Variants in VPS13A observed in about 807,000 individuals in gnomAD.
VPS13A encodes intermembrane lipid transfer protein VPS13A.
Under a neutral mutation model 390.9 loss-of-function variants are expected in VPS13A, and 264 were observed. The ratio of observed to expected loss-of-function variants is 0.68; its 90% CI spans 0.61 to 0.75. The LOEUF (loss-of-function observed/expected upper bound fraction) is 0.75. Ranked by LOEUF, VPS13A falls within the 30% of genes least tolerant of loss-of-function variation. The probability of loss-of-function intolerance (pLI) is 0.00; values close to 1 mark genes in which losing one functional copy is unlikely to be tolerated. For missense variants in VPS13A, 3,409 were observed against 3,733.9 expected, an observed-to-expected ratio of 0.91 and a Z score of 2.27; for synonymous variants, 1,231 against 1,227.1, an observed-to-expected ratio of 1.00 and a Z score of -0.07.
Position 77,371,112 on chromosome 9 carries a change from A to G in VPS13A, c.9040A>G (p.Ile3014Val), listed in dbSNP as rs1563968409. 5 of 1,614,134 alleles carry G rather than the reference A, an allele frequency of 3.1e-6. No individual in the cohort carries two copies. Among genetic ancestry groups the G allele is most frequent in the Non-Finnish European group, 4.2e-6 (5 of 1,179,990 alleles). The change falls in exon 67 of 72, where the codon ATA becomes GTA. Residue 3014 changes from isoleucine to valine, a missense_variant. This residue lies in a region of VPS13A where 318 missense variants were observed against 333.7 expected (regional missense o/e 0.95). Coordinates refer to ENST00000360280, the MANE Select transcript of VPS13A (RefSeq NM_033305.3). ...GAVARPTGGI[I>V]DMASSTFQGI... Reference sequence around the variant, plus strand: ...GGTAGCAAGGCCAACTGGAGGCATCATAGACATGGCTAGCAGTACATTTCA... The same window carrying G: ...GGTAGCAAGGCCAACTGGAGGCATCGTAGACATGGCTAGCAGTACATTTCA...
intron 67 of VPS13A, among the ~76,000 whole-genome samples, chr9:77,371,670 ATTATAC>A (rs1832761004): frequency 6.7e-6 from 1 of 149,228 alleles, no homozygotes; most frequent in Non-Finnish European, 1.5e-5. Flanking sequence ...TTTTTTTATT[ATTATAC>A]TTTAAGTTTT....
intron 22 of VPS13A, among the ~76,000 whole-genome samples, chr9:77,257,856 C>T (rs1307371762): frequency 6.6e-6 from 1 of 151,974 alleles, no homozygotes; most frequent in Non-Finnish European, 1.5e-5. Context: ...TTATTGATGT[C>T]CCAGATTATA....
chr9:77,196,794 C>T (rs1320521547), intron 1 of VPS13A, among the ~76,000 whole-genome samples: 1 of 151,940 alleles, frequency 6.6e-6, no homozygotes, highest in Non-Finnish European at 1.5e-5. Flanking sequence ...AAAAGTGCTG[C>T]AATAAACATA....
At chr9:77,191,931 T>A (rs982398934) in intron 1 of VPS13A, among the ~76,000 whole-genome samples, 1 of 152,194 alleles carries the variant, frequency 6.6e-6, no homozygotes, top group South Asian at 2.1e-4. Flanking sequence ...GTCTGTCTAA[T>A]ACTGTCAGTG....
At chr9:77,324,312 C>T (rs935367284) in intron 45 of VPS13A, among the ~76,000 whole-genome samples, 5 of 152,114 alleles carry the variant, frequency 3.3e-5, no homozygotes, top group African/African-American at 9.7e-5. Context: ...GGCTAGAATA[C>T]AATTCGAGTA....
In VPS13A at chr9:77,214,324, A is replaced by G; in HGVS notation, c.697-5A>G. ...TATAAATAAAAGCAATTTGTCTTTT[A>G]ATAGGACGACTTGAAGAATGGCATT... On this transcript the variant is annotated splice_polypyrimidine_tract_variant and splice_region_variant and intron_variant, in intron 9 of 71. Coordinates refer to ENST00000360280, the MANE Select transcript of VPS13A (RefSeq NM_033305.3). The G allele has an allele frequency of 6.2e-7, 1 of 1,612,234 alleles. No homozygotes were observed. The highest frequency in any genetic ancestry group is 8.5e-7 in the Non-Finnish European group (1 of 1,178,546).
intron 68 of VPS13A, chr9:77,395,619 A>G (rs1428720962): frequency 6.6e-6 from 1 of 152,214 alleles, no homozygotes; most frequent in Non-Finnish European, 1.5e-5. Flanking sequence ...TATCTGGGAA[A>G]TACAATAAAA....
intron 52 of VPS13A, among the ~76,000 whole-genome samples, chr9:77,348,030 GTTAA>G (rs565571867): frequency 1.3e-3 from 194 of 152,260 alleles, no homozygotes; most frequent in African/African-American, 4.6e-3. Context: ...TGCTGGAAGT[GTTAA>G]TTAGTTCAAC....
At chr9:77,239,225 C>G (rs979108349) in intron 19 of VPS13A, among the ~76,000 whole-genome samples, 6 of 151,862 alleles carry the variant, frequency 4.0e-5, no homozygotes, top group Admixed American at 6.6e-5. Flanking sequence ...CACCTTTGAT[C>G]CCAGCACTTT....
chr9:77,187,760 G>T (rs771657954), intron 1 of VPS13A, among the ~76,000 whole-genome samples: 2 of 152,024 alleles, frequency 1.3e-5, no homozygotes, highest in East Asian at 1.9e-4. Context: ...GGTTTGTTGT[G>T]TGGGTTAATT....
intron 41 of VPS13A, 53 bp downstream of exon 41, chr9:77,318,644 T>C (rs1196668022): frequency 1.5e-6 from 2 of 1,350,054 alleles, no homozygotes; most frequent in Non-Finnish European, 2.1e-6. Context: ...TGGAATATTA[T>C]GACAGATAAT....
At chr9:77,359,482 T>C (rs1394855588) in intron 58 of VPS13A, 80 bp downstream of exon 58, 8 of 1,253,798 alleles carry the variant, frequency 6.4e-6, no homozygotes, top group African/African-American at 3.0e-5. Flanking sequence ...CTTTAAATGT[T>C]GGACAAGTCA....
At chr9:77,254,733 C>CT (rs1156396207) in intron 22 of VPS13A, among the ~76,000 whole-genome samples, 11 of 152,240 alleles carry the variant, frequency 7.2e-5, no homozygotes, top group Admixed American at 6.5e-4. Flanking sequence ...ACTAAAGTCT[C>CT]TTGCCTCATT....
intron 1 of VPS13A, 141 bp downstream of exon 1, chr9:77,177,945 A>G (rs1018146477): frequency 1.3e-5 from 9 of 683,246 alleles, no homozygotes; most frequent in African/African-American, 1.3e-4. Flanking sequence ...CTGTGGGTCA[A>G]GTTACGTAAA....
intron 59 of VPS13A, among the ~76,000 whole-genome samples, chr9:77,361,132 A>G (rs1832115903): frequency 6.6e-6 from 1 of 152,134 alleles, no homozygotes; most frequent in African/African-American, 2.4e-5. Context: ...ATTGAGGTAT[A>G]GATCACATAC....
intron 42 of VPS13A, among the ~76,000 whole-genome samples, chr9:77,320,772 G>A (rs1829700548): frequency 6.6e-6 from 1 of 152,000 alleles, no homozygotes; most frequent in African/African-American, 2.4e-5. Context: ...TGCTACTATT[G>A]TCTGCCTTTG....
intron 31 of VPS13A, among the ~76,000 whole-genome samples, chr9:77,287,298 C>T (rs1040788210): frequency 2.0e-5 from 3 of 151,514 alleles, no homozygotes; most frequent in African/African-American, 7.3e-5. Context: ...CCTTCCCTGG[C>T]CCAGGTGATC....
chr9:77,381,399 A>ATT, intron 67 of VPS13A, among the ~76,000 whole-genome samples: 1 of 152,298 alleles, frequency 6.6e-6, no homozygotes, highest in South Asian at 2.1e-4. Flanking sequence ...AATATTAGAA[A>ATT]ACTATATAAT....
At chr9:77,391,701 A>G (rs1274950902) in intron 68 of VPS13A, among the ~76,000 whole-genome samples, 2 of 152,230 alleles carry the variant, frequency 1.3e-5, no homozygotes, top group East Asian at 3.8e-4. Context: ...ATGAAGATGC[A>G]GTGTTGGAAT....
Sources: allele counts gnomAD v4.1 joint callset (sites outside exome capture counted in the v4.1 genomes callset), GRCh38; gene constraint gnomAD v4.1.1; regional missense constraint gnomAD v4.1.1; transcripts MANE v1.5; gene names NCBI Gene and HGNC (gene_info 2026-07-23, HGNC 2026-07-21).